The following IFI35 variants were observed in gnomAD, a reference collection of about 807,000 sequenced individuals.
IFI35 encodes interferon-induced 35 kDa protein.
In IFI35, 30 loss-of-function variants were observed where a neutral mutation model predicts 28.6. The observed-to-expected ratio is 1.05, with a 90% CI of 0.79 to 1.43. IFI35 has a LOEUF of 1.43. IFI35 is among the 40% of genes most tolerant of loss of function. The probability of loss-of-function intolerance (pLI) is 0.00; values close to 1 mark genes in which losing one functional copy is unlikely to be tolerated. For synonymous variants in IFI35, 146 were observed against 154.8 expected (o/e 0.94, Z 0.42); for missense variants, 372 against 356.9 (o/e 1.04, Z -0.34).
rs528191120 is a variant in IFI35, at chr17:43,013,767, T to C, written c.563-9T>C. 2 of 1,613,132 alleles carry C rather than the reference T, an allele frequency of 1.2e-6. No homozygotes were observed. The highest frequency in any genetic ancestry group is 1.7e-6 in the Non-Finnish European group (2 of 1,179,412). On this transcript the variant is annotated splice_polypyrimidine_tract_variant and intron_variant, in intron 5 of 6. Coordinates refer to ENST00000415816, the MANE Select transcript of IFI35 (RefSeq NM_001330230.2). ...ATGCTAAAGGCCCACCCCTCCTTGC[T>C]CCCCACAGTGGCTCAGCGTCTGTGC...
intron 1 of IFI35, among the ~76,000 whole-genome samples, chr17:43,007,847 T>TTTTATATATATATATATATATATATATA (rs1375752219): frequency 6.0e-4 from 71 of 118,970 alleles, no homozygotes; most frequent in Non-Finnish European, 8.7e-4. Context: ...CACACAAAAT[T>TTTTATATATATATATATATATATATATA]TATATATATA....
At position 43,014,144 on chromosome 17, in the gene IFI35, C is replaced by T. The variant is rs143278077; in HGVS notation, c.706C>T (p.Leu236Phe). The change falls in exon 7 of 7, where the codon CTC becomes TTC. Residue 236 changes from leucine to phenylalanine, a missense_variant. Physicochemically the swap from Leu to Phe is conservative, Grantham distance 22. Transcript: ENST00000415816. ...GCCAGTTCCCCGCTCGGTACTGGTG[C>T]TCAACATTCCTGATATCTTGGATGG... ...SQPVPRSVLV[L>F]NIPDILDGPE... 233 of 1,614,076 alleles carry T rather than the reference C, an allele frequency of 1.4e-4. 1 individual carries two copies. In the African/African-American group the frequency reaches 2.9e-3, roughly 20 times the overall value.
chr17:43,007,872 T>TATATATATATATAC (rs1491453151), intron 1 of IFI35, among the ~76,000 whole-genome samples: 3 of 136,592 alleles, frequency 2.2e-5, no homozygotes, highest in Admixed American at 7.4e-5. Context: ...TATATATATA[T>TATATATATATATAC]ACTATAAGAA....
At chr17:43,010,316 C>T (rs8071986) in intron 1 of IFI35, among the ~76,000 whole-genome samples, 14,637 of 151,900 alleles carry the variant, frequency 0.096, 851 homozygotes, top group African/African-American at 0.15. Flanking sequence ...TTGATTGATT[C>T]CAGGAGGTCG....
At chr17:43,009,490 C>G (rs1277916017) in intron 1 of IFI35, among the ~76,000 whole-genome samples, 1 of 151,866 alleles carries the variant, frequency 6.6e-6, no homozygotes, top group East Asian at 1.9e-4. Context: ...CACGGTGGCT[C>G]ACTCCTGTAA....
intron 1 of IFI35, among the ~76,000 whole-genome samples, chr17:43,008,299 G>C (rs535544751): frequency 6.8e-6 from 1 of 147,928 alleles, no homozygotes; most frequent in South Asian, 2.1e-4. Context: ...CTCCCAAAGT[G>C]CTGGGATTAC....
rs34285823 is a variant in IFI35, at chr17:43,008,343, CTTTTTTTTTTTT to C, written c.21+1386_21+1397del. 5.6e-5 allele frequency among the ~76,000 whole-genome samples: 5 copies of C among 89,406 alleles called. No homozygotes were observed. The South Asian group carries it at 1.5e-3, about 27-fold the overall frequency. 58.7% of individuals were successfully genotyped at this position (89,406 alleles called of 152,430 possible). A position where few individuals can be genotyped will look rare whatever the true frequency, so the allele number is the denominator to read the frequency against. On this transcript the variant is annotated intron_variant, in intron 1 of 6. Coordinates refer to ENST00000415816, the MANE Select transcript of IFI35 (RefSeq NM_001330230.2). ...GCCACCATGCCCGGACTTTTCTTTC[CTTTTTTTTTTTT>C]TTTTTTTTTTGAGATGGAGTTTCAC...
At position 43,014,343 on chromosome 17, in the gene IFI35, C is replaced by T; in HGVS notation, c.*44C>T. ...CTCCCCACCCCCCCGCCAAGGTTCT[C>T]ACACTGGCCTGGGCTTGGGTGCCCA... On this transcript the variant is annotated 3_prime_UTR_variant, in exon 7 of 7. Coordinates refer to ENST00000415816, the MANE Select transcript of IFI35 (RefSeq NM_001330230.2). 7.0e-7 allele frequency: 1 copy of T among 1,426,596 alleles called. No homozygotes were observed. Among genetic ancestry groups the T allele is most frequent in the Non-Finnish European group, 9.4e-7 (1 of 1,058,388 alleles). The allele number at this position is 1,426,596 out of a possible 1,614,324, so 88.4% of individuals were successfully genotyped here. A position where few individuals can be genotyped will look rare whatever the true frequency, so the allele number is the denominator to read the frequency against.
chr17:43,011,011 C>T (rs1229230389), intron 1 of IFI35, among the ~76,000 whole-genome samples: 1 of 152,182 alleles, frequency 6.6e-6, no homozygotes, highest in Non-Finnish European at 1.5e-5. Flanking sequence ...CATTCCAGAT[C>T]ACACCCAGCC....
intron 1 of IFI35, 52 bp downstream of exon 1, chr17:43,007,020 G>A: frequency 6.3e-7 from 1 of 1,596,386 alleles, no homozygotes; most frequent in South Asian, 1.1e-5. Context: ...TAATCCTCTT[G>A]GCTAGGAACC....
chr17:43,013,139 G>A lies in IFI35; in HGVS notation c.213G>A (p.Arg71=). The change falls in exon 3 of 7, where the codon CGG becomes CGA. Residue 71 remains arginine, a synonymous_variant. Transcript: ENST00000415816. ...EVPKSLVSNL[R]IHCPLLAGSA... is the part of the protein sequence containing the mutation. Reference sequence around the variant, plus strand: ...CTAAGTCTTTAGTTTCCAATTTGCGGATCCACTGCCCTCTGCTTGCGGGCT... The same window carrying A: ...CTAAGTCTTTAGTTTCCAATTTGCGAATCCACTGCCCTCTGCTTGCGGGCT... 1 of 1,614,038 alleles carries A rather than the reference G, an allele frequency of 6.2e-7. No homozygotes were observed. Among genetic ancestry groups the A allele is most frequent in the Non-Finnish European group, 8.5e-7 (1 of 1,180,026 alleles).
At position 43,014,398 on chromosome 17, in the gene IFI35, G is replaced by T. The variant is rs1436245454; in HGVS notation, c.*99G>T. The stretch of plus-strand genomic sequence containing the variant: ...GGAGGTCTGTATGTTCACCAACAGT[G>T]CGGAGGGGTCACACATTGCAAAACA... On this transcript the variant is annotated 3_prime_UTR_variant, in exon 7 of 7. Transcript: ENST00000415816. The T allele has an allele frequency of 2.6e-6, 2 of 767,710 alleles. No individual in the cohort carries two copies. The highest frequency in any genetic ancestry group is 5.8e-5 in the East Asian group (2 of 34,714). 47.6% of individuals were successfully genotyped at this position (767,710 alleles called of 1,614,324 possible).
At chr17:43,007,429 T>G (rs2050417140) in intron 1 of IFI35, among the ~76,000 whole-genome samples, 1 of 149,326 alleles carries the variant, frequency 6.7e-6, no homozygotes. Flanking sequence ...CACTTGAACC[T>G]GGGAGGCGGA....
chr17:43,014,456 A>G lies in IFI35; in HGVS notation c.*157A>G, dbSNP rs1273393371. On this transcript the variant is annotated 3_prime_UTR_variant, in exon 7 of 7. Coordinates refer to ENST00000415816, the MANE Select transcript of IFI35 (RefSeq NM_001330230.2). The stretch of plus-strand genomic sequence containing the variant: ...GAACAGTAAAAAGAGCCTGCATGCC[A>G]TGATGTTCTTCCTCATTTCACTCAT... 3 of 452,788 alleles carry G rather than the reference A, an allele frequency of 6.6e-6. No homozygotes were observed. Among genetic ancestry groups the G allele is most frequent in the East Asian group, 7.0e-5 (2 of 28,514 alleles). 28.0% of individuals were successfully genotyped at this position (452,788 alleles called of 1,614,324 possible). A position where few individuals can be genotyped will look rare whatever the true frequency, so the allele number is the denominator to read the frequency against.
intron 2 of IFI35, 79 bp from the exon 3 acceptor site, chr17:43,012,968 C>T: frequency 7.1e-7 from 1 of 1,413,852 alleles, no homozygotes; most frequent in Non-Finnish European, 9.8e-7. Context: ...CGGCACTCAG[C>T]ATCAATGGAA....
intron 1 of IFI35, among the ~76,000 whole-genome samples, chr17:43,011,853 C>T (rs1267153506): frequency 6.6e-6 from 1 of 152,180 alleles, no homozygotes; most frequent in East Asian, 1.9e-4. Context: ...AGGGTCGTAC[C>T]CTTATCTTCC....
intron 1 of IFI35, among the ~76,000 whole-genome samples, chr17:43,007,847 T>TTA (rs68028192): frequency 0.092 from 10,972 of 118,950 alleles, 765 homozygotes; most frequent in African/African-American, 0.17. Flanking sequence ...CACACAAAAT[T>TTA]TATATATATA....
chr17:43,007,938 C>G (rs1224138201), intron 1 of IFI35, among the ~76,000 whole-genome samples: 2 of 149,280 alleles, frequency 1.3e-5, no homozygotes, highest in African/African-American at 5.0e-5. Context: ...AAAAACTTAT[C>G]CCACTGCTTA....
At chr17:43,012,104 G>A in intron 1 of IFI35, 75 bp from the exon 2 acceptor site, 2 of 1,068,918 alleles carry the variant, frequency 1.9e-6, no homozygotes, top group Non-Finnish European at 2.7e-6. Flanking sequence ...TCCAGAATAG[G>A]CCCCACTTCC....
Sources: gnomAD v4.1 joint callset for allele counts (sites outside exome capture counted in the v4.1 genomes callset) on GRCh38, gnomAD v4.1.1 for gene constraint, MANE v1.5 for transcripts, NCBI Gene and HGNC (gene_info 2026-07-23, HGNC 2026-07-21) for gene names.